The following SLC4A5 variants were observed in gnomAD, a reference collection of about 807,000 sequenced individuals.
SLC4A5 encodes the protein electrogenic sodium bicarbonate cotransporter 4.
A neutral mutation model predicts 120.4 loss-of-function variants in SLC4A5; 96 were observed. The observed-to-expected ratio is 0.80, with a 90% CI of 0.68 to 0.94. The LOEUF (loss-of-function observed/expected upper bound fraction) is 0.94. Ranked by LOEUF, SLC4A5 falls within the 40% of genes least tolerant of loss-of-function variation. SLC4A5 has a pLI of 0.00. For synonymous variants in SLC4A5, 550 were observed against 571.1 expected (o/e 0.96, Z 0.53); for missense variants, 1,259 against 1,459.5 (o/e 0.86, Z 2.24).
chr2:74,239,227 G>A, intron 21 of SLC4A5, 108 bp downstream of exon 21: 3 of 1,012,068 alleles, frequency 3.0e-6, no homozygotes, highest in Non-Finnish European at 4.5e-6. Flanking sequence ...AAACCCCAGT[G>A]GGCCAGTGCT....
At chr2:74,250,113 A>G (rs1041412145) in intron 17 of SLC4A5, among the ~76,000 whole-genome samples, 2 of 152,246 alleles carry the variant, frequency 1.3e-5, no homozygotes, top group African/African-American at 4.8e-5. Flanking sequence ...GGTTTGACCT[A>G]TTTAAATAAT....
intron 19 of SLC4A5, 106 bp downstream of exon 19, chr2:74,246,930 G>A: frequency 7.0e-7 from 1 of 1,427,670 alleles, no homozygotes; most frequent in Non-Finnish European, 9.6e-7. Flanking sequence ...GTAAGCCCTT[G>A]GCTGAATGGC....
At chr2:74,252,347 C>A in exon 16 of SLC4A5, 1 of 1,613,750 alleles carries the variant, frequency 6.2e-7, no homozygotes. Flanking sequence ...TCCCACAGAG[C>A]CATTCATCTG....
intron 28 of SLC4A5, among the ~76,000 whole-genome samples, chr2:74,223,359 A>G (rs917559458): frequency 2.6e-5 from 4 of 152,110 alleles, no homozygotes; most frequent in African/African-American, 9.7e-5. Flanking sequence ...ATTGCAAACC[A>G]CCATTCTGTT....
chr2:74,317,095 A>T (rs1463952893), intron 5 of SLC4A5, among the ~76,000 whole-genome samples: 1 of 152,140 alleles, frequency 6.6e-6, no homozygotes, highest in Non-Finnish European at 1.5e-5. Context: ...TGTTTAGCCA[A>T]CCCAGTCAAC....
intron 8 of SLC4A5, among the ~76,000 whole-genome samples, chr2:74,282,085 G>A (rs1671831850): frequency 6.6e-6 from 1 of 152,214 alleles, no homozygotes; most frequent in Non-Finnish European, 1.5e-5. Flanking sequence ...TTGTGGGGGT[G>A]ACAAGCCTCA....
chr2:74,244,575 T>TTCC (rs1326751056), intron 19 of SLC4A5, among the ~76,000 whole-genome samples: 32 of 149,802 alleles, frequency 2.1e-4, no homozygotes, highest in African/African-American at 6.6e-4. Flanking sequence ...CTTCTTCTTC[T>TTCC]TCCTCCTCCT....
At chr2:74,217,481 C>T (rs767960955) in exon 31 of SLC4A5, 5 of 152,270 alleles carry the variant, frequency 3.3e-5, no homozygotes, top group South Asian at 2.1e-4. Flanking sequence ...TAAAATGTGA[C>T]CTTACCTCTG....
intron 19 of SLC4A5, among the ~76,000 whole-genome samples, chr2:74,246,681 G>T (rs1263392127): frequency 6.6e-6 from 1 of 152,180 alleles, no homozygotes; most frequent in Non-Finnish European, 1.5e-5. Flanking sequence ...TGATGGAGCT[G>T]GGCGGGACTT....
chr2:74,246,104 G>T (rs1432560846), intron 19 of SLC4A5, among the ~76,000 whole-genome samples: 1 of 152,160 alleles, frequency 6.6e-6, no homozygotes, highest in South Asian at 2.1e-4. Flanking sequence ...AAGCTCTTAG[G>T]GGCATGATCA....
chr2:74,242,820 T>C (rs536953440), intron 19 of SLC4A5, among the ~76,000 whole-genome samples: 1 of 152,218 alleles, frequency 6.6e-6, no homozygotes, highest in African/African-American at 2.4e-5. Context: ...GCCTGGTTAA[T>C]TTTTTGTATT....
intron 23 of SLC4A5, 67 bp from the exon 24 acceptor site, chr2:74,232,714 C>T: frequency 6.4e-7 from 1 of 1,567,814 alleles, no homozygotes; most frequent in Non-Finnish European, 8.6e-7. Context: ...TGCAACCATT[C>T]TGTGGAACAT....
chr2:74,245,297 C>T (rs539540277), intron 19 of SLC4A5, among the ~76,000 whole-genome samples: 10 of 152,076 alleles, frequency 6.6e-5, no homozygotes, highest in Admixed American at 3.3e-4. Context: ...CCAGCCTGGG[C>T]GACAGAGTCA....
At chr2:74,305,608 A>T (rs1356086853) in intron 6 of SLC4A5, among the ~76,000 whole-genome samples, 1 of 152,132 alleles carries the variant, frequency 6.6e-6, no homozygotes, top group Non-Finnish European at 1.5e-5. Flanking sequence ...TGACAAATGC[A>T]TAAGGACATA....
chr2:74,239,575 C>T (rs1241114286), intron 20 of SLC4A5, 40 bp from the exon 21 acceptor site: 2 of 1,599,358 alleles, frequency 1.3e-6, no homozygotes, highest in African/African-American at 2.7e-5. Context: ...TCAGCATCTT[C>T]CTGATGAGTC....
intron 8 of SLC4A5, among the ~76,000 whole-genome samples, chr2:74,279,811 AG>A (rs1160167695): frequency 3.9e-5 from 6 of 152,216 alleles, no homozygotes; most frequent in Non-Finnish European, 8.8e-5. Context: ...TCACTAGCTC[AG>A]GTTGGAATTC....
At chr2:74,252,328 G>A (rs946698019) in exon 16 of SLC4A5, 24 of 1,613,268 alleles carry the variant, frequency 1.5e-5, no homozygotes, top group Middle Eastern at 1.6e-4. Flanking sequence ...CAGGAGCTCC[G>A]CCGCCTCCTC....
intron 25 of SLC4A5, among the ~76,000 whole-genome samples, chr2:74,230,595 C>T (rs1216512168): frequency 6.6e-6 from 1 of 152,164 alleles, no homozygotes; most frequent in Non-Finnish European, 1.5e-5. Context: ...TGTGGAAACA[C>T]ACCCCATTCA....
At chr2:74,303,919 G>A (rs1488812464) in intron 7 of SLC4A5, among the ~76,000 whole-genome samples, 3 of 149,778 alleles carry the variant, frequency 2.0e-5, no homozygotes, top group Admixed American at 6.6e-5. Context: ...GCGGGATCTC[G>A]GCTCACTGCA....
Sources: allele counts gnomAD v4.1 joint callset (sites outside exome capture counted in the v4.1 genomes callset), GRCh38; gene constraint gnomAD v4.1.1; transcripts MANE v1.5; gene names NCBI Gene and HGNC (gene_info 2026-07-23, HGNC 2026-07-21).